Variants in B4GALT6 observed in about 807,000 individuals in gnomAD.
B4GALT6 encodes UDP-Gal:beta-GlcNAc beta-1,4-galactosyltransferase 6.
Under a neutral mutation model 46.3 loss-of-function variants are expected in B4GALT6, and 14 were observed. The observed-to-expected ratio is 0.30, with a 90% CI of 0.20 to 0.47. The LOEUF is 0.47. B4GALT6 is among the 20% of genes least tolerant of loss of function. B4GALT6 has a pLI of 0.99. For synonymous variants in B4GALT6, 168 were observed against 162.0 expected (o/e 1.04, Z -0.28); for missense variants, 386 against 480.1 (o/e 0.80, Z 1.83).
intron 1 of B4GALT6, among the ~76,000 whole-genome samples, chr18:31,671,864 C>T (rs532403287): frequency 1.8e-4 from 27 of 152,310 alleles, no homozygotes; most frequent in African/African-American, 6.5e-4. Flanking sequence ...AATCTAACTT[C>T]TTTACCAGTT....
In B4GALT6 at chr18:31,630,981, T is replaced by G. The variant is rs943045028; in HGVS notation, c.754A>C (p.Lys252Gln). The change falls in exon 6 of 9, where the codon AAG (lysine) becomes CAG (glutamine). Residue 252 changes from lysine (K) to glutamine (Q), a missense_variant. Physicochemically the swap from Lys to Gln is moderately conservative, Grantham distance 53. This residue lies in a region of B4GALT6 where 323 missense variants were observed against 438.9 expected (regional missense o/e 0.74). Coordinates refer to ENST00000306851, the MANE Select transcript of B4GALT6 (RefSeq NM_004775.5). ...CGEMPRHFAA[K>Q]LDKYMYILPY... ...TACATATACATGTATTTATCCAGCTTTGCAGCAAAATGACGTGGCATTTCT... is the reference window on the plus strand; with the variant it reads ...TACATATACATGTATTTATCCAGCTGTGCAGCAAAATGACGTGGCATTTCT... 4.3e-6 allele frequency: 7 copies of G among 1,614,224 alleles called. No individual in the cohort carries two copies. The highest frequency in any genetic ancestry group is 5.9e-6 in the Non-Finnish European group (7 of 1,180,040).
At chr18:31,706,056 T>C in the B4GALT6 span, among the ~76,000 whole-genome samples, 1 of 152,170 alleles carries the variant, frequency 6.6e-6, no homozygotes, top group East Asian at 1.9e-4. Context: ...GTTATGCTGG[T>C]TAAATGAGAT....
chr18:31,648,381 G>A (rs1372318983), intron 3 of B4GALT6, among the ~76,000 whole-genome samples: 2 of 152,178 alleles, frequency 1.3e-5, no homozygotes, highest in East Asian at 3.8e-4. Flanking sequence ...CTATTTTGAA[G>A]GTGGCGCTGG....
upstream of B4GALT6, chr18:31,685,743 G>C (rs1002328770): frequency 1.3e-5 from 2 of 152,384 alleles, no homozygotes; most frequent in Middle Eastern, 3.4e-3. Flanking sequence ...AAAGGAAAAG[G>C]GCATCTCCAA....
At chr18:31,679,697 T>G (rs984406642) in intron 1 of B4GALT6, among the ~76,000 whole-genome samples, 1 of 152,184 alleles carries the variant, frequency 6.6e-6, no homozygotes, top group African/African-American at 2.4e-5. Context: ...ACGCCCTTAC[T>G]TTCATCTGCC....
At chr18:31,698,641 A>G in the B4GALT6 span, among the ~76,000 whole-genome samples, 1 of 152,128 alleles carries the variant, frequency 6.6e-6, no homozygotes, top group Non-Finnish European at 1.5e-5. Context: ...AAAAGAAAAA[A>G]AAAAAAGGAA....
intron 2 of B4GALT6, among the ~76,000 whole-genome samples, chr18:31,660,725 G>A (rs2074203233): frequency 1.3e-5 from 2 of 151,746 alleles, no homozygotes; most frequent in South Asian, 2.1e-4. Flanking sequence ...AAAAAGAAAG[G>A]AAAATAATAG....
chr18:31,643,023 A>G (rs1223697270), intron 4 of B4GALT6, among the ~76,000 whole-genome samples: 1 of 152,242 alleles, frequency 6.6e-6, no homozygotes. Context: ...GATGTTTAAC[A>G]TAAATCTAGT....
At chr18:31,682,798 T>C (rs1228647100) in intron 1 of B4GALT6, among the ~76,000 whole-genome samples, 1 of 152,158 alleles carries the variant, frequency 6.6e-6, no homozygotes, top group East Asian at 1.9e-4. Flanking sequence ...GTCCAAACTT[T>C]TAAAGAGTTA....
At chr18:31,655,425 C>G (rs960071376) in intron 3 of B4GALT6, among the ~76,000 whole-genome samples, 1 of 152,096 alleles carries the variant, frequency 6.6e-6, no homozygotes, top group Admixed American at 6.5e-5. Context: ...ATGCAAGGAT[C>G]CCAGGGAAGC....
At chr18:31,687,804 G>A (rs1159416185), upstream of B4GALT6, among the ~76,000 whole-genome samples, 1 of 152,098 alleles carries the variant, frequency 6.6e-6, no homozygotes, top group Non-Finnish European at 1.5e-5. Context: ...TTTTCTAGTT[G>A]TATTAATAAG....
At chr18:31,716,766 G>T in the B4GALT6 span, among the ~76,000 whole-genome samples, 1 of 152,070 alleles carries the variant, frequency 6.6e-6, no homozygotes, top group African/African-American at 2.4e-5. Context: ...AATTACATGG[G>T]GCATTAATGT....
chr18:31,695,208 G>T, the B4GALT6 span, among the ~76,000 whole-genome samples: 1 of 151,388 alleles, frequency 6.6e-6, no homozygotes, highest in African/African-American at 2.4e-5. Context: ...AGGAAAACTT[G>T]TTAAAGGAGG....
At chr18:31,685,529 G>A (rs1235396626), upstream of B4GALT6, 1 of 150,982 alleles carries the variant, frequency 6.6e-6, no homozygotes, top group East Asian at 2.0e-4. Flanking sequence ...CCCCGCGCCC[G>A]AAACACCGCG....
At chr18:31,701,538 T>TA in the B4GALT6 span, among the ~76,000 whole-genome samples, 4 of 152,112 alleles carry the variant, frequency 2.6e-5, no homozygotes, top group African/African-American at 9.7e-5. Flanking sequence ...TGGGGAAACA[T>TA]AATAATAGTC....
At chr18:31,648,539 G>A (rs1193950308) in intron 3 of B4GALT6, among the ~76,000 whole-genome samples, 1 of 152,118 alleles carries the variant, frequency 6.6e-6, no homozygotes, top group Non-Finnish European at 1.5e-5. Context: ...TATCATGTGT[G>A]AGGGTAACTT....
the B4GALT6 span, among the ~76,000 whole-genome samples, chr18:31,715,783 A>G: frequency 6.6e-6 from 1 of 151,618 alleles, no homozygotes; most frequent in Non-Finnish European, 1.5e-5. Flanking sequence ...TCCTGACCTC[A>G]GGTGGTCTGC....
chr18:31,716,742 C>T, the B4GALT6 span, among the ~76,000 whole-genome samples: 9 of 152,164 alleles, frequency 5.9e-5, no homozygotes, highest in African/African-American at 1.7e-4. Context: ...TACCCCAAGT[C>T]ATCACACATC....
At chr18:31,659,942 TC>T (rs1387798067) in intron 2 of B4GALT6, among the ~76,000 whole-genome samples, 10 of 149,850 alleles carry the variant, frequency 6.7e-5, no homozygotes, top group African/African-American at 1.5e-4. Flanking sequence ...AAGTTCTGAT[TC>T]TTTTCCTTTT....
Sources: gnomAD v4.1 joint callset for allele counts (sites outside exome capture counted in the v4.1 genomes callset) on GRCh38, gnomAD v4.1.1 for gene constraint, gnomAD v4.1.1 regional missense constraint, MANE v1.5 for transcripts, NCBI Gene and HGNC (gene_info 2026-07-23, HGNC 2026-07-21) for gene names.